The following MAST2 variants were observed in gnomAD, a reference collection of about 807,000 sequenced individuals.
The protein encoded by MAST2 is microtubule-associated serine/threonine-protein kinase 2.
A neutral mutation model predicts 147.4 loss-of-function variants in MAST2; 70 were observed. The ratio of observed to expected loss-of-function variants is 0.47; its 90% CI spans 0.39 to 0.58. MAST2 has a LOEUF of 0.58. Ranked by LOEUF, MAST2 falls within the 20% of genes least tolerant of loss-of-function variation. The pLI is 0.00. For synonymous variants in MAST2, 869 were observed against 896.8 expected (o/e 0.97, Z 0.55); for missense variants, 2,080 against 2,302.3 (o/e 0.90, Z 1.98).
At chr1:45,863,365 G>C (rs549083580) in intron 3 of MAST2, among the ~76,000 whole-genome samples, 1 of 152,242 alleles carries the variant, frequency 6.6e-6, no homozygotes, top group South Asian at 2.1e-4. Flanking sequence ...TTCAGGTCTT[G>C]TGTTTGTTTT....
intron 12 of MAST2, among the ~76,000 whole-genome samples, chr1:46,022,592 T>C (rs1410417341): frequency 1.5e-5 from 2 of 136,322 alleles, no homozygotes; most frequent in Admixed American, 1.4e-4. Flanking sequence ...AGTGAAGCAG[T>C]CTTGGCCAGC....
chr1:46,019,713 GAAAGTC>G lies in MAST2; in HGVS notation c.1290+18_1290+23del. ...GGAATGCCTGGTGAGTGGACTCTAGGAAAGTCAGGTGGGCAGATTTAGAGGAGGACT... is the reference window on the plus strand; with the variant it reads ...GGAATGCCTGGTGAGTGGACTCTAGGAGGTGGGCAGATTTAGAGGAGGACT... On this transcript the variant is annotated intron_variant, in intron 11 of 28. Transcript: ENST00000361297. 2.5e-6 allele frequency: 4 copies of G among 1,610,442 alleles called. No homozygotes were observed. The highest frequency in any genetic ancestry group is 2.5e-6 in the Non-Finnish European group (3 of 1,176,630).
At chr1:45,912,760 T>C (rs1056544905) in intron 4 of MAST2, among the ~76,000 whole-genome samples, 6 of 152,238 alleles carry the variant, frequency 3.9e-5, no homozygotes, top group African/African-American at 2.4e-5. Flanking sequence ...CTAGGTTCTT[T>C]TTCTCAGATG....
chr1:45,840,945 T>C (rs1282423837), intron 3 of MAST2, among the ~76,000 whole-genome samples: 2 of 152,184 alleles, frequency 1.3e-5, no homozygotes, highest in African/African-American at 4.8e-5. Flanking sequence ...GGATGCTAAC[T>C]GGTTCATTAA....
chr1:45,904,119 G>A (rs532935476), intron 4 of MAST2, among the ~76,000 whole-genome samples: 1 of 151,954 alleles, frequency 6.6e-6, no homozygotes, highest in Admixed American at 6.6e-5. Flanking sequence ...TCCCACCTCA[G>A]CCTCCCTAGT....
At chr1:45,901,324 G>C (rs182081060) in intron 4 of MAST2, among the ~76,000 whole-genome samples, 2 of 152,040 alleles carry the variant, frequency 1.3e-5, no homozygotes, top group Non-Finnish European at 2.9e-5. Context: ...TGTATGGATT[G>C]ACTTCTGGGT....
chr1:45,804,978 T>A lies in MAST2; in HGVS notation c.177+906T>A, dbSNP rs538186922. Reference sequence around the variant, plus strand: ...TCTATTCGGGATCCTACTGACTTCATCCATGAATGTTTTAAGACTTCTTAT... The same window carrying A: ...TCTATTCGGGATCCTACTGACTTCAACCATGAATGTTTTAAGACTTCTTAT... On this transcript the variant is annotated intron_variant, in intron 1 of 28. Transcript: ENST00000361297. 1.4e-4 allele frequency among the ~76,000 whole-genome samples: 22 copies of A among 152,304 alleles called. No homozygotes were observed. The South Asian group carries it at 3.9e-3, about 27-fold the overall frequency.
intron 10 of MAST2, among the ~76,000 whole-genome samples, chr1:46,016,895 G>A (rs1386253585): frequency 7.2e-5 from 11 of 152,016 alleles, no homozygotes; most frequent in African/African-American, 1.5e-4. Flanking sequence ...GAACAAAGCT[G>A]GAGGCATCAT....
intron 26 of MAST2, among the ~76,000 whole-genome samples, chr1:46,033,439 A>T (rs1314303047): frequency 4.5e-5 from 6 of 134,564 alleles, no homozygotes; most frequent in Non-Finnish European, 9.6e-5. Flanking sequence ...ACTCTGTCTT[A>T]AAAAAAAAAA....
chr1:45,991,222 G>T (rs1644844854), intron 5 of MAST2, among the ~76,000 whole-genome samples: 1 of 152,034 alleles, frequency 6.6e-6, no homozygotes, highest in Admixed American at 6.6e-5. Flanking sequence ...GTCTGTTTGT[G>T]GAGTCTCTGC....
intron 4 of MAST2, among the ~76,000 whole-genome samples, chr1:45,898,048 G>T (rs1272895587): frequency 6.6e-6 from 1 of 152,304 alleles, no homozygotes. Context: ...GGTGGAGGTT[G>T]CAGGGAGCCG....
intron 4 of MAST2, among the ~76,000 whole-genome samples, chr1:45,919,849 C>T (rs1483559833): frequency 6.7e-6 from 1 of 148,794 alleles, no homozygotes; most frequent in East Asian, 2.0e-4. Context: ...ATTAGTGCTT[C>T]ATTCCATTCT....
intron 3 of MAST2, among the ~76,000 whole-genome samples, chr1:45,866,234 A>G (rs1239231173): frequency 6.6e-6 from 1 of 152,162 alleles, no homozygotes; most frequent in Non-Finnish European, 1.5e-5. Flanking sequence ...AATCTTTAGC[A>G]GTTGACCAGT....
At chr1:46,011,791 G>T (rs182981386) in intron 10 of MAST2, among the ~76,000 whole-genome samples, 2 of 152,186 alleles carry the variant, frequency 1.3e-5, no homozygotes, top group African/African-American at 2.4e-5. Flanking sequence ...CAGTGTGTTC[G>T]TCTAGAAATA....
intron 3 of MAST2, among the ~76,000 whole-genome samples, chr1:45,853,656 A>G (rs1184383484): frequency 6.6e-6 from 1 of 152,072 alleles, no homozygotes; most frequent in East Asian, 1.9e-4. Context: ...GCCCATCCTA[A>G]AATTGTTTTT....
Position 46,034,614 on chromosome 1 carries a change from G to T in MAST2, c.3945G>T (p.Arg1315=). 1 of 1,614,062 alleles carries T rather than the reference G, an allele frequency of 6.2e-7. No homozygotes were observed. The highest frequency in any genetic ancestry group is 8.5e-7 in the Non-Finnish European group (1 of 1,180,018). Residue 1315 remains arginine (R), a synonymous_variant, in exon 29 of 29, where the codon CGG becomes CGT. Coordinates refer to ENST00000361297, the MANE Select transcript of MAST2 (RefSeq NM_015112.3). ...PSSPAGSGHT[R]PSSLHGLAPK... is the part of the protein sequence containing the mutation. ...CCCCAGCCGGCTCTGGGCACACACG[G>T]CCCAGCTCCCTCCACGGTCTGGCAC... is the stretch of plus-strand genomic sequence containing the variant.
chr1:45,915,358 T>A (rs1360765639), intron 4 of MAST2, among the ~76,000 whole-genome samples: 1 of 152,212 alleles, frequency 6.6e-6, no homozygotes, highest in Non-Finnish European at 1.5e-5. Context: ...CAATCCTTTT[T>A]AGACTCTAGA....
At chr1:45,993,429 ATCCC>A (rs1644925121) in intron 5 of MAST2, among the ~76,000 whole-genome samples, 1 of 152,122 alleles carries the variant, frequency 6.6e-6, no homozygotes, top group Non-Finnish European at 1.5e-5. Flanking sequence ...TTTGCCTATA[ATCCC>A]AGCACTTTGG....
chr1:46,034,688 G>A lies in MAST2; in HGVS notation c.4019G>A (p.Ser1340Asn), dbSNP rs1019140526. 1 of 1,614,016 alleles carries A rather than the reference G, an allele frequency of 6.2e-7. No homozygotes were observed. Among genetic ancestry groups the A allele is most frequent in the African/African-American group, 1.3e-5 (1 of 74,906 alleles). ...YRSPRRKSAG[S>N]IPLSPLAHTP... The stretch of plus-strand genomic sequence containing the variant: ...TCTCCACGGCGCAAGTCAGCAGGCA[G>A]CATCCCACTGTCACCACTGGCCCAC... The change falls in exon 29 of 29, where the codon AGC (serine) becomes AAC (asparagine). Residue 1340 changes from serine to asparagine, a missense_variant. Transcript: ENST00000361297.
Sources: gnomAD v4.1 joint callset for allele counts (sites outside exome capture counted in the v4.1 genomes callset) on GRCh38, gnomAD v4.1.1 for gene constraint, MANE v1.5 for transcripts, NCBI Gene and HGNC (gene_info 2026-07-23, HGNC 2026-07-21) for gene names.